Variants in HYAL4 observed in about 807,000 individuals in gnomAD.
HYAL4 encodes the protein hyaluronidase-4.
HYAL4 carries 37 observed loss-of-function variants against 35.2 expected under a neutral mutation model. The ratio of observed to expected loss-of-function variants is 1.05; its 90% CI spans 0.81 to 1.38. HYAL4 has a LOEUF of 1.38. HYAL4 is among the 40% of genes most tolerant of loss of function. The pLI, the probability that HYAL4 is intolerant of heterozygous loss-of-function variation, is 0.00. For missense variants in HYAL4, 572 were observed against 572.4 expected (o/e 1.00, Z 0.01); for synonymous variants, 198 against 203.2 (o/e 0.97, Z 0.22).
rs758686945 is a variant in HYAL4 at position 123,869,010 on chromosome 7, A to G, written c.737A>G (p.Asn246Ser). ...SCPEDEVLRN[N>S]ELSWLWNSSA... is the part of the protein sequence containing the mutation. ...CCAGAAGACGAAGTCTTGAGGAACAATGAGCTCTCTTGGCTCTGGAACAGC... is the reference window on the plus strand; with the variant it reads ...CCAGAAGACGAAGTCTTGAGGAACAGTGAGCTCTCTTGGCTCTGGAACAGC... The change falls in exon 3 of 5, where the codon AAT (asparagine) becomes AGT (serine). Residue 246 changes from asparagine to serine, a missense_variant. By Grantham distance (46) the Asn-to-Ser change is conservative. Transcript: ENST00000223026. 9 of 1,613,982 alleles carry G rather than the reference A, an allele frequency of 5.6e-6. No homozygotes were observed. The Admixed American group carries it at 8.3e-5, about 15-fold the overall frequency.
chr7:123,810,110 T>C, the HYAL4 span, among the ~76,000 whole-genome samples: 3 of 152,238 alleles, frequency 2.0e-5, no homozygotes, highest in Non-Finnish European at 4.4e-5. Context: ...AAGGAGTGTT[T>C]CACTTCTTCT....
the HYAL4 span, among the ~76,000 whole-genome samples, chr7:123,778,417 GTCT>G: frequency 2.0e-5 from 3 of 151,920 alleles, no homozygotes; most frequent in Non-Finnish European, 4.4e-5. Flanking sequence ...TCAAGATCAC[GTCT>G]TACATTTAAT....
intron 1 of HYAL4, among the ~76,000 whole-genome samples, chr7:123,832,654 C>T: frequency 6.6e-6 from 1 of 151,774 alleles, no homozygotes; most frequent in East Asian, 1.9e-4. Context: ...TGCCCACCAC[C>T]ATGCCTGGCT....
At chr7:123,832,476 ATACTTTTTTTTTTTTTT>A (rs1805899111) in intron 1 of HYAL4, among the ~76,000 whole-genome samples, 2 of 58,476 alleles carry the variant, frequency 3.4e-5, no homozygotes, top group South Asian at 6.6e-4. Flanking sequence ...CTATTGTGTC[ATACTTTTTTTTTTTTTT>A]TTTTTTTTTT....
intron 1 of HYAL4, among the ~76,000 whole-genome samples, chr7:123,833,860 G>A (rs1210515351): frequency 6.6e-6 from 1 of 152,048 alleles, no homozygotes; most frequent in Non-Finnish European, 1.5e-5. Flanking sequence ...CCCACTTCAT[G>A]TTTTTGTTTG....
At chr7:123,843,291 G>A (rs1806105259), upstream of HYAL4, among the ~76,000 whole-genome samples, 2 of 151,988 alleles carry the variant, frequency 1.3e-5, no homozygotes, top group Non-Finnish European at 2.9e-5. Flanking sequence ...ATTCTGGGTT[G>A]AAAATTCTTT....
At chr7:123,833,747 G>A (rs990176872) in intron 1 of HYAL4, among the ~76,000 whole-genome samples, 1 of 152,050 alleles carries the variant, frequency 6.6e-6, no homozygotes, top group African/African-American at 2.4e-5. Flanking sequence ...TCTTCATCTT[G>A]AGTTGATTTT....
the HYAL4 span, among the ~76,000 whole-genome samples, chr7:123,773,613 T>A: frequency 6.6e-6 from 1 of 152,212 alleles, no homozygotes; most frequent in Non-Finnish European, 1.5e-5. Flanking sequence ...TGTTAACAAT[T>A]CAATTTTACC....
chr7:123,805,817 G>C, the HYAL4 span, among the ~76,000 whole-genome samples: 1 of 151,908 alleles, frequency 6.6e-6, no homozygotes, highest in Admixed American at 6.6e-5. Context: ...AGGCTTTTTT[G>C]GTAGAAATGA....
intron 2 of HYAL4, among the ~76,000 whole-genome samples, chr7:123,863,914 G>C (rs995545049): frequency 1.3e-5 from 2 of 152,108 alleles, no homozygotes. Flanking sequence ...TAGGGGATAG[G>C]AGATAGAGGC....
chr7:123,768,029 A>G, the HYAL4 span, among the ~76,000 whole-genome samples: 1 of 152,254 alleles, frequency 6.6e-6, no homozygotes, highest in Non-Finnish European at 1.5e-5. Flanking sequence ...TCTGAAATTC[A>G]AATTTAAGTG....
chr7:123,827,095 T>TTTGGGGG (rs1219421941), upstream of HYAL4, among the ~76,000 whole-genome samples: 1 of 152,018 alleles, frequency 6.6e-6, no homozygotes, highest in Non-Finnish European at 1.5e-5. Context: ...GTGGTACACA[T>TTTGGGGG]TTGGGGGTTG....
At position 123,874,919 on chromosome 7, in the gene HYAL4, C is replaced by G. The variant is rs1244125972; in HGVS notation, c.1044+69C>G. ...AGTATTTCTCTGCTTTCTTGGAGAG[C>G]TTAATGACCTCCATAGCAAACCAGC... On this transcript the variant is annotated intron_variant, in intron 4 of 4. Transcript: ENST00000223026. 3 of 899,936 alleles carry G rather than the reference C, an allele frequency of 3.3e-6. No homozygotes were observed. In the African/African-American group the frequency reaches 4.9e-5, roughly 15 times the overall value. 55.7% of individuals were successfully genotyped at this position (899,936 alleles called of 1,614,324 possible).
chr7:123,858,932 T>G lies in HYAL4; in HGVS notation c.-51-9291T>G, dbSNP rs754715651. Among the ~76,000 whole-genome samples, 102 of 152,320 alleles carry G rather than the reference T, an allele frequency of 6.7e-4. No individual in the cohort carries two copies. The Middle Eastern group carries it at 0.014, about 20-fold the overall frequency. On this transcript the variant is annotated intron_variant, in intron 2 of 4. Transcript: ENST00000223026. ...TGTGTTGTAAACACACCAGGGTAGT[T>G]GGACGTAATTCAAAGAAAGCAATCA... is the stretch of plus-strand genomic sequence containing the variant.
the HYAL4 span, among the ~76,000 whole-genome samples, chr7:123,794,578 T>C: frequency 2.0e-5 from 3 of 152,210 alleles, no homozygotes; most frequent in African/African-American, 2.4e-5. Flanking sequence ...GAGGGGCCAA[T>C]GTACAGCTCA....
Position 123,868,303 on chromosome 7 carries a change from G to A in HYAL4, c.30G>A (p.Lys10=). The A allele has an allele frequency of 6.4e-7, 1 of 1,573,102 alleles. No homozygotes were observed. Residue 10 remains lysine, a synonymous_variant, in exon 3 of 5, where the codon AAG becomes AAA. Coordinates refer to ENST00000223026, the MANE Select transcript of HYAL4 (RefSeq NM_012269.3). The part of the protein sequence containing the change: MKVLSEGQL[K]LCVVQPVHLT... ...AAGTATTATCTGAAGGACAGTTAAA[G>A]CTTTGTGTTGTTCAACCAGTACATC...
At chr7:123,772,743 A>G in the HYAL4 span, among the ~76,000 whole-genome samples, 1 of 152,224 alleles carries the variant, frequency 6.6e-6, no homozygotes, top group Admixed American at 6.5e-5. Flanking sequence ...AAATGGAATT[A>G]TAGAAAATTG....
chr7:123,822,498 G>T, the HYAL4 span, among the ~76,000 whole-genome samples: 1 of 152,072 alleles, frequency 6.6e-6, no homozygotes, highest in Non-Finnish European at 1.5e-5. Flanking sequence ...TTTGTATCCT[G>T]CAACCTTACT....
the HYAL4 span, among the ~76,000 whole-genome samples, chr7:123,780,041 G>A: frequency 6.6e-6 from 1 of 152,096 alleles, no homozygotes; most frequent in Non-Finnish European, 1.5e-5. Flanking sequence ...AAGACTGTAG[G>A]CTCTAAAATC....
Sources: allele counts gnomAD v4.1 joint callset (sites outside exome capture counted in the v4.1 genomes callset), GRCh38; gene constraint gnomAD v4.1.1; transcripts MANE v1.5; gene names NCBI Gene and HGNC (gene_info 2026-07-23, HGNC 2026-07-21).